The following SLX4IP variants were observed in gnomAD, a reference collection of about 807,000 sequenced individuals.
The protein encoded by SLX4IP is protein SLX4IP.
In SLX4IP, 34 loss-of-function variants were observed where a neutral mutation model predicts 32.9. That is an observed-to-expected ratio of 1.03 (90% CI 0.79 to 1.38). The LOEUF (loss-of-function observed/expected upper bound fraction) is 1.38. Among genes scored for constraint, SLX4IP ranks in the 40% most tolerant of loss-of-function variants. The pLI, the probability that SLX4IP is intolerant of heterozygous loss-of-function variation, is 0.00. For synonymous variants in SLX4IP, 172 were observed against 171.7 expected (o/e 1.00, Z -0.01); for missense variants, 444 against 479.0 (o/e 0.93, Z 0.68).
chr20:10,435,950 A>C (rs145256028), intron 1 of SLX4IP, among the ~76,000 whole-genome samples: 2 of 152,344 alleles, frequency 1.3e-5, no homozygotes, highest in African/African-American at 4.8e-5. Flanking sequence ...CTTGACATCT[A>C]CTAGGTTGAG....
At chr20:10,510,700 G>A (rs1568716049) in intron 2 of SLX4IP, among the ~76,000 whole-genome samples, 1 of 151,742 alleles carries the variant, frequency 6.6e-6, no homozygotes, top group African/African-American at 2.4e-5. Flanking sequence ...CACCTCCCGG[G>A]TTCAAGTGAT....
At chr20:10,546,710 G>C (rs898008616) in intron 2 of SLX4IP, among the ~76,000 whole-genome samples, 2 of 152,152 alleles carry the variant, frequency 1.3e-5, no homozygotes, top group East Asian at 3.9e-4. Context: ...GTGTCTCAGA[G>C]CCACTGAGGC....
intron 2 of SLX4IP, among the ~76,000 whole-genome samples, chr20:10,512,832 G>A (rs1391205836): frequency 2.5e-5 from 2 of 80,898 alleles, no homozygotes; most frequent in Non-Finnish European, 4.6e-5. Context: ...AGTTGTTGTT[G>A]TTATTGCCTA....
In SLX4IP at chr20:10,627,834, C is replaced by T. The variant is rs879234215; in HGVS notation, c.*4455C>T. On this transcript the variant is annotated 3_prime_UTR_variant, in exon 8 of 8. Transcript: ENST00000334534. The stretch of plus-strand genomic sequence containing the variant: ...GAAGGTGTGAATTGGACAGATCCCC[C>T]GAATAACTTTCTTCAATCAAGTTGA... The T allele has an allele frequency of 3.9e-5, 6 of 152,192 alleles. No homozygotes were observed. The highest frequency in any genetic ancestry group is 4.1e-4 in the South Asian group (2 of 4,828). 9.4% of individuals were successfully genotyped at this position (152,192 alleles called of 1,614,324 possible).
intron 2 of SLX4IP, among the ~76,000 whole-genome samples, chr20:10,554,732 A>T (rs2066250118): frequency 6.6e-6 from 1 of 151,978 alleles, no homozygotes; most frequent in Non-Finnish European, 1.5e-5. Flanking sequence ...TTAGCCATTC[A>T]TTTATCCTAT....
chr20:10,571,180 TG>T (rs2066461241), intron 4 of SLX4IP, among the ~76,000 whole-genome samples: 1 of 152,074 alleles, frequency 6.6e-6, no homozygotes, highest in Non-Finnish European at 1.5e-5. Context: ...CTTGTGGAGT[TG>T]GGGGTGGCAA....
chr20:10,475,694 C>T (rs953411413), intron 2 of SLX4IP, among the ~76,000 whole-genome samples: 1 of 152,194 alleles, frequency 6.6e-6, no homozygotes, highest in African/African-American at 2.4e-5. Context: ...AAAACTGCTG[C>T]ACTTTCTGCC....
At chr20:10,569,805 C>T (rs1025530920) in intron 4 of SLX4IP, among the ~76,000 whole-genome samples, 34 of 152,144 alleles carry the variant, frequency 2.2e-4, no homozygotes, top group Admixed American at 1.2e-3. Context: ...CATAATTTTC[C>T]GCTATAAATG....
intron 2 of SLX4IP, among the ~76,000 whole-genome samples, chr20:10,552,474 T>C (rs970609624): frequency 6.6e-6 from 1 of 151,860 alleles, no homozygotes; most frequent in African/African-American, 2.4e-5. Flanking sequence ...CAGGGAACTT[T>C]GGAAAGGCAG....
Position 10,518,421 on chromosome 20 carries a change from TTCCC to T in SLX4IP, c.28-37798_28-37795del, listed in dbSNP as rs1338310768. Among the ~76,000 whole-genome samples, 5 of 110,870 alleles carry T rather than the reference TTCCC, an allele frequency of 4.5e-5. No homozygotes were observed. In the East Asian group the frequency reaches 9.3e-4, roughly 21 times the overall value. The allele number at this position is 110,870 out of a possible 152,430, so 72.7% of individuals were successfully genotyped here. A position where few individuals can be genotyped will look rare whatever the true frequency, so the allele number is the denominator to read the frequency against. On this transcript the variant is annotated intron_variant, in intron 2 of 7. Coordinates refer to ENST00000334534, the MANE Select transcript of SLX4IP (RefSeq NM_001009608.3). ...TTTCTTTCTTTCCTTCCTTCCTTCCTTCCCTCCCTCCCTCCTTCTTCCTTCCTTC... is the reference window on the plus strand; with the variant it reads ...TTTCTTTCTTTCCTTCCTTCCTTCCTTCCCTCCCTCCTTCTTCCTTCCTTC...
intron 5 of SLX4IP, among the ~76,000 whole-genome samples, chr20:10,600,024 T>C (rs1393942722): frequency 1.4e-5 from 2 of 144,826 alleles, no homozygotes; most frequent in Non-Finnish European, 1.5e-5. Flanking sequence ...ACTAATGAAC[T>C]GTTGTATTTC....
intron 1 of SLX4IP, among the ~76,000 whole-genome samples, chr20:10,448,331 G>A (rs2071226293): frequency 6.6e-6 from 1 of 152,136 alleles, no homozygotes; most frequent in Admixed American, 6.6e-5. Context: ...GTTTAGAAAT[G>A]GAATAGACTA....
intron 2 of SLX4IP, among the ~76,000 whole-genome samples, chr20:10,459,528 G>T (rs892253736): frequency 6.6e-6 from 1 of 152,300 alleles, no homozygotes; most frequent in Admixed American, 6.5e-5. Context: ...ATCTTTTAAA[G>T]ATGCTTTTTG....
chr20:10,481,633 T>G (rs924050945), intron 2 of SLX4IP, among the ~76,000 whole-genome samples: 11 of 152,216 alleles, frequency 7.2e-5, no homozygotes, highest in Non-Finnish European at 1.0e-4. Flanking sequence ...ACTTTGATTC[T>G]CAATTTATTT....
chr20:10,556,553 A>G (rs1304432000), intron 3 of SLX4IP, among the ~76,000 whole-genome samples: 1 of 152,136 alleles, frequency 6.6e-6, no homozygotes, highest in African/African-American at 2.4e-5. Context: ...CAGACATTTT[A>G]TACCTCTTTG....
At chr20:10,562,325 G>T (rs2066342064) in intron 4 of SLX4IP, among the ~76,000 whole-genome samples, 1 of 152,152 alleles carries the variant, frequency 6.6e-6, no homozygotes, top group African/African-American at 2.4e-5. Flanking sequence ...GCCAGAAGGG[G>T]GATCTAGTGG....
At chr20:10,469,520 A>G (rs1186547223) in intron 2 of SLX4IP, among the ~76,000 whole-genome samples, 1 of 152,204 alleles carries the variant, frequency 6.6e-6, no homozygotes, top group Admixed American at 6.5e-5. Flanking sequence ...TTTTATTTTA[A>G]TAATTTCTTA....
chr20:10,503,349 T>C (rs1420593652), intron 2 of SLX4IP, among the ~76,000 whole-genome samples: 1 of 152,168 alleles, frequency 6.6e-6, no homozygotes, highest in Non-Finnish European at 1.5e-5. Flanking sequence ...CCTAGAGGTG[T>C]GGCTGGGTTG....
chr20:10,469,636 AG>A (rs1240418289), intron 2 of SLX4IP, among the ~76,000 whole-genome samples: 1 of 152,228 alleles, frequency 6.6e-6, no homozygotes, highest in African/African-American at 2.4e-5. Flanking sequence ...AAGTAAACTC[AG>A]GATCTCTTAC....
Sources: allele counts gnomAD v4.1 joint callset (sites outside exome capture counted in the v4.1 genomes callset), GRCh38; gene constraint gnomAD v4.1.1; transcripts MANE v1.5; gene names NCBI Gene and HGNC (gene_info 2026-07-23, HGNC 2026-07-21).